Variants in NPAS3 observed in about 807,000 individuals in gnomAD.
NPAS3 encodes the protein neuronal PAS domain protein 3.
A neutral mutation model predicts 73.1 loss-of-function variants in NPAS3; 14 were observed. The ratio of observed to expected loss-of-function variants is 0.19; its 90% CI spans 0.13 to 0.30. The LOEUF (loss-of-function observed/expected upper bound fraction) is 0.30, where lower values mean the gene tolerates loss of function less well. Ranked by LOEUF, NPAS3 falls within the 10% of genes least tolerant of loss-of-function variation. NPAS3 has a pLI of 1.00. For synonymous variants in NPAS3, 620 were observed against 541.5 expected (o/e 1.14, Z -2.01); for missense variants, 1,096 against 1,250.0 (o/e 0.88, Z 1.86).
chr14:33,275,222 C>T (rs1432015705), intron 3 of NPAS3, among the ~76,000 whole-genome samples: 2 of 152,212 alleles, frequency 1.3e-5, no homozygotes, highest in Non-Finnish European at 1.5e-5. Context: ...TTTATGTGCC[C>T]ACCAGCATGT....
intron 2 of NPAS3, among the ~76,000 whole-genome samples, chr14:33,118,102 TTGAA>T (rs1381488581): frequency 6.6e-6 from 1 of 152,078 alleles, no homozygotes; most frequent in Admixed American, 6.6e-5. Flanking sequence ...AGGAATTATG[TTGAA>T]TGACTTTCAC....
intron 3 of NPAS3, among the ~76,000 whole-genome samples, chr14:33,271,869 G>T (rs1385738413): frequency 1.3e-5 from 2 of 152,008 alleles, no homozygotes; most frequent in African/African-American, 4.8e-5. Context: ...CTGAAATAAA[G>T]GATGGGCTCT....
At chr14:32,935,781 C>T (rs917243003), upstream of NPAS3, among the ~76,000 whole-genome samples, 3 of 152,218 alleles carry the variant, frequency 2.0e-5, no homozygotes, top group Non-Finnish European at 4.4e-5. Flanking sequence ...CCACTACCAA[C>T]AGCTTTAGAA....
intron 2 of NPAS3, among the ~76,000 whole-genome samples, chr14:33,180,613 C>T (rs956820769): frequency 6.6e-6 from 1 of 151,846 alleles, no homozygotes; most frequent in Non-Finnish European, 1.5e-5. Flanking sequence ...TCCTGGCTAA[C>T]ACGGTGAAAC....
chr14:33,494,959 G>C (rs561138152), intron 4 of NPAS3, among the ~76,000 whole-genome samples: 165 of 152,078 alleles, frequency 1.1e-3, no homozygotes, highest in African/African-American at 3.9e-3. Context: ...TTTTCTTTAA[G>C]ACATGCAGTA....
At chr14:33,714,971 A>T (rs1198558932) in intron 6 of NPAS3, among the ~76,000 whole-genome samples, 1 of 152,244 alleles carries the variant, frequency 6.6e-6, no homozygotes, top group Non-Finnish European at 1.5e-5. Context: ...CAGTCTTGAC[A>T]TCTCTCATGA....
At chr14:33,432,894 G>T (rs1320774534) in intron 4 of NPAS3, among the ~76,000 whole-genome samples, 1 of 152,128 alleles carries the variant, frequency 6.6e-6, no homozygotes, top group Non-Finnish European at 1.5e-5. Flanking sequence ...TTTTAGTAAT[G>T]AATTATTCAG....
At chr14:33,441,406 C>G (rs1354206343) in intron 4 of NPAS3, among the ~76,000 whole-genome samples, 1 of 151,110 alleles carries the variant, frequency 6.6e-6, no homozygotes, top group Non-Finnish European at 1.5e-5. Flanking sequence ...ATAAAAGAAT[C>G]TTAGAGTGCA....
At chr14:33,431,882 C>A (rs1332880143) in intron 4 of NPAS3, among the ~76,000 whole-genome samples, 1 of 152,056 alleles carries the variant, frequency 6.6e-6, no homozygotes, top group Non-Finnish European at 1.5e-5. Context: ...TGTTACACAG[C>A]CTAGCCTTCC....
intron 9 of NPAS3, among the ~76,000 whole-genome samples, chr14:33,784,737 AT>A (rs1222862652): frequency 1.2e-5 from 1 of 80,158 alleles, no homozygotes; most frequent in African/African-American, 6.6e-5. Flanking sequence ...TTATTTATTT[AT>A]TTATTTATTT....
intron 9 of NPAS3, among the ~76,000 whole-genome samples, chr14:33,782,204 A>T (rs1388131797): frequency 6.6e-6 from 1 of 152,202 alleles, no homozygotes; most frequent in East Asian, 1.9e-4. Context: ...AACCATTCAC[A>T]TTAGTAATTA....
intron 5 of NPAS3, among the ~76,000 whole-genome samples, chr14:33,618,055 A>G (rs2057973267): frequency 6.6e-6 from 1 of 152,208 alleles, no homozygotes; most frequent in Admixed American, 6.5e-5. Flanking sequence ...TGGATCAATT[A>G]TATATAAAGA....
At chr14:33,641,235 A>T (rs1420624503) in intron 5 of NPAS3, among the ~76,000 whole-genome samples, 1 of 152,168 alleles carries the variant, frequency 6.6e-6, no homozygotes, top group Non-Finnish European at 1.5e-5. Context: ...GCCTTAACAG[A>T]TCTTTCTTAG....
chr14:33,372,143 AC>A (rs1200848198), intron 4 of NPAS3, among the ~76,000 whole-genome samples: 4 of 152,196 alleles, frequency 2.6e-5, no homozygotes, highest in Admixed American at 6.5e-5. Flanking sequence ...AGTTCCAAAT[AC>A]CAGTGTGGAG....
chr14:33,116,590 A>T (rs1310186885), intron 2 of NPAS3, among the ~76,000 whole-genome samples: 1 of 152,148 alleles, frequency 6.6e-6, no homozygotes, highest in Non-Finnish European at 1.5e-5. Flanking sequence ...TCAGTAGCTT[A>T]ACACAAGAGT....
chr14:33,530,668 T>C (rs2053999430), intron 4 of NPAS3, among the ~76,000 whole-genome samples: 1 of 152,092 alleles, frequency 6.6e-6, no homozygotes, highest in Non-Finnish European at 1.5e-5. Flanking sequence ...TTTCTCCTAC[T>C]TGACGTTTAA....
intron 4 of NPAS3, among the ~76,000 whole-genome samples, chr14:33,412,325 G>A (rs1021502180): frequency 1.9e-4 from 29 of 151,982 alleles, no homozygotes; most frequent in African/African-American, 6.8e-4. Context: ...TCACCATGTT[G>A]CCCAGGCTGG....
intron 2 of NPAS3, among the ~76,000 whole-genome samples, chr14:33,147,052 G>GT (rs888658504): frequency 3.4e-4 from 50 of 148,740 alleles, no homozygotes; most frequent in East Asian, 1.2e-3. Context: ...TGTATGTCAG[G>GT]TTTTTTTTTT....
chr14:33,500,418 A>G (rs896865806), intron 4 of NPAS3, among the ~76,000 whole-genome samples: 6 of 151,874 alleles, frequency 4.0e-5, no homozygotes, highest in Admixed American at 2.0e-4. Context: ...CTGATTTCCC[A>G]AGTCCGATCA....
Sources: gnomAD v4.1 joint callset for allele counts (sites outside exome capture counted in the v4.1 genomes callset) on GRCh38, gnomAD v4.1.1 for gene constraint, MANE v1.5 for transcripts, NCBI Gene and HGNC (gene_info 2026-07-23, HGNC 2026-07-21) for gene names.